CRISPLD2: variants seen among roughly 807,000 people sequenced by gnomAD.
CRISPLD2 encodes the protein cysteine-rich secretory protein LCCL domain-containing 2.
CRISPLD2 carries 47 observed loss-of-function variants against 71.1 expected under a neutral mutation model. The ratio of observed to expected loss-of-function variants is 0.66; its 90% CI spans 0.52 to 0.84. The LOEUF (loss-of-function observed/expected upper bound fraction) is 0.84. CRISPLD2 is among the 40% of genes least tolerant of loss of function. CRISPLD2 has a pLI of 0.00. For missense variants in CRISPLD2, 830 were observed against 651.1 expected (o/e 1.27, Z -2.99); for synonymous variants, 317 against 250.1 (o/e 1.27, Z -2.52).
At chr16:84,854,651 G>A (rs879640274) in intron 5 of CRISPLD2, 78 bp from the exon 6 acceptor site, 92 of 1,027,538 alleles carry the variant, frequency 9.0e-5, no homozygotes, top group Middle Eastern at 2.2e-4. Flanking sequence ...AGGGACTCAC[G>A]TGGGCCTTGG....
rs1287501051 is a variant in CRISPLD2, at chr16:84,827,034, C to T, written c.-75+6901C>T. Among the ~76,000 whole-genome samples the T allele has an allele frequency of 2.6e-5, 4 of 152,026 alleles. No individual in the cohort carries two copies. In the East Asian group the frequency reaches 5.8e-4, roughly 22 times the overall value. On this transcript the variant is annotated intron_variant, in intron 1 of 14. Transcript: ENST00000262424. ...AACATACCAGGGAAGAGGGCACAGC[C>T]GTCTCTGTACCGGCAGAGAGATTTT...
chr16:84,905,696 C>A (rs2071795761), intron 14 of CRISPLD2, among the ~76,000 whole-genome samples: 1 of 134,656 alleles, frequency 7.4e-6, no homozygotes, highest in African/African-American at 2.8e-5. Context: ...CCGTGCCTGA[C>A]CAATAAAGCT....
rs550110140 is a variant in CRISPLD2, at chr16:84,877,464, G to A, written c.1183G>A (p.Val395Ile). The change falls in exon 12 of 15, where the codon GTT (valine) becomes ATT (isoleucine). Residue 395 changes from valine (V) to isoleucine (I), a missense_variant. Coordinates refer to ENST00000262424, the MANE Select transcript of CRISPLD2 (RefSeq NM_031476.4). Reference protein sequence around the residue: ...KVQDLDCYTTVAQLCPFEKPA... With the variant: ...KVQDLDCYTTIAQLCPFEKPA... ...GCAGGATTTGGACTGCTACACGACCGTTGCTCAGCTGTGCCCGTTTGAAAA... is the reference window on the plus strand; with the variant it reads ...GCAGGATTTGGACTGCTACACGACCATTGCTCAGCTGTGCCCGTTTGAAAA... 1.5e-5 allele frequency: 24 copies of A among 1,613,850 alleles called. No individual in the cohort carries two copies. Among genetic ancestry groups the A allele is most frequent in the South Asian group, 5.5e-5 (5 of 91,078 alleles).
intron 14 of CRISPLD2, among the ~76,000 whole-genome samples, chr16:84,892,107 AG>A (rs1396582460): frequency 6.6e-6 from 1 of 152,014 alleles, no homozygotes; most frequent in Non-Finnish European, 1.5e-5. Context: ...TCACCTATAA[AG>A]GGGGGAATAA....
At chr16:84,849,010 A>C (rs1597456618) in intron 3 of CRISPLD2, among the ~76,000 whole-genome samples, 2 of 144,842 alleles carry the variant, frequency 1.4e-5, no homozygotes, top group Non-Finnish European at 3.0e-5. Context: ...AAAAGAAAGG[A>C]CTCATTAAGA....
At chr16:84,845,718 T>C (rs12051168) in intron 2 of CRISPLD2, 68 bp from the exon 3 acceptor site, 443,176 of 1,037,104 alleles carry the variant, frequency 0.43, 100,710 homozygotes, top group South Asian at 0.5. Context: ...GGGGCGTTGC[T>C]GTATTTATGG....
chr16:84,851,684 G>T (rs768142898), intron 5 of CRISPLD2, among the ~76,000 whole-genome samples: 1 of 152,208 alleles, frequency 6.6e-6, no homozygotes, highest in Non-Finnish European at 1.5e-5. Flanking sequence ...AGGGACGCAG[G>T]CACCATGCAA....
chr16:84,898,746 T>C (rs562106384), intron 14 of CRISPLD2, among the ~76,000 whole-genome samples: 1 of 152,342 alleles, frequency 6.6e-6, no homozygotes, highest in Non-Finnish European at 1.5e-5. Flanking sequence ...ACTTGGCACA[T>C]AGCAGGTGCT....
intron 13 of CRISPLD2, among the ~76,000 whole-genome samples, chr16:84,888,325 G>A (rs2143341581): frequency 6.6e-6 from 1 of 152,322 alleles, no homozygotes; most frequent in East Asian, 1.9e-4. Context: ...CTTGAGCCCA[G>A]GAGTTCAGGA....
chr16:84,893,372 C>T (rs1003120311), intron 14 of CRISPLD2, among the ~76,000 whole-genome samples: 1 of 152,194 alleles, frequency 6.6e-6, no homozygotes, highest in Non-Finnish European at 1.5e-5. Context: ...GTGGCTGGAT[C>T]CTAAGAAATG....
intron 14 of CRISPLD2, among the ~76,000 whole-genome samples, chr16:84,896,175 T>A (rs549605759): frequency 5.7e-4 from 87 of 151,928 alleles, no homozygotes; most frequent in Admixed American, 1.4e-3. Context: ...GTAGCTGGGA[T>A]TACAGGCACC....
chr16:84,829,675 A>G (rs1916439738), intron 1 of CRISPLD2, among the ~76,000 whole-genome samples: 1 of 152,210 alleles, frequency 6.6e-6, no homozygotes, highest in African/African-American at 2.4e-5. Context: ...CGCTGCGTGG[A>G]CGACCCAGGA....
intron 5 of CRISPLD2, among the ~76,000 whole-genome samples, chr16:84,851,170 C>T (rs973663153): frequency 8.5e-5 from 13 of 152,194 alleles, no homozygotes; most frequent in African/African-American, 3.1e-4. Context: ...GATTATTTTT[C>T]TCTGAAAACA....
intron 1 of CRISPLD2, among the ~76,000 whole-genome samples, chr16:84,832,047 A>T (rs1466397047): frequency 6.6e-6 from 1 of 152,252 alleles, no homozygotes; most frequent in East Asian, 1.9e-4. Context: ...ATTTTTAAAC[A>T]TTGGATTTTG....
Position 84,866,959 on chromosome 16 carries a change from C to G in CRISPLD2, c.772C>G (p.Pro258Ala), listed in dbSNP as rs1352033412. 6.2e-7 allele frequency: 1 copy of G among 1,614,070 alleles called. No homozygotes were observed. The highest frequency in any genetic ancestry group is 2.2e-5 in the East Asian group (1 of 44,864). ...EMNEVETAPI[P>A]EENHVWLQPR... is the part of the protein sequence containing the mutation. ...GAATGAGGTGGAAACGGCTCCCATT[C>G]CTGAAGAAAACCATGTTTGGCTCCA... Residue 258 changes from proline (P) to alanine (A), a missense_variant, in exon 7 of 15, where the codon CCT (proline) becomes GCT (alanine). Pro to Ala is a conservative substitution (Grantham distance 27). Transcript: ENST00000262424.
intron 1 of CRISPLD2, among the ~76,000 whole-genome samples, 152 bp downstream of exon 1, chr16:84,820,285 T>C (rs892749646): frequency 2.0e-5 from 3 of 152,102 alleles, no homozygotes; most frequent in African/African-American, 7.2e-5. Context: ...CTTTGCGACA[T>C]GCCCTTTTGC....
intron 6 of CRISPLD2, among the ~76,000 whole-genome samples, chr16:84,863,841 G>A (rs1040535906): frequency 1.3e-5 from 2 of 151,766 alleles, no homozygotes; most frequent in Non-Finnish European, 2.9e-5. Flanking sequence ...GGTGGCGCAT[G>A]CCTGTAATCC....
intron 6 of CRISPLD2, among the ~76,000 whole-genome samples, chr16:84,862,487 C>T (rs1917411662): frequency 6.6e-6 from 1 of 152,130 alleles, no homozygotes; most frequent in African/African-American, 2.4e-5. Flanking sequence ...CACCATCATG[C>T]CCGCCCACCA....
chr16:84,822,804 G>T (rs534996435), intron 1 of CRISPLD2, among the ~76,000 whole-genome samples: 1 of 152,278 alleles, frequency 6.6e-6, no homozygotes, highest in East Asian at 1.9e-4. Context: ...AGATCTGGGT[G>T]GTGGTTAATA....
Sources: gnomAD v4.1 joint callset for allele counts (sites outside exome capture counted in the v4.1 genomes callset) on GRCh38, gnomAD v4.1.1 for gene constraint, MANE v1.5 for transcripts, NCBI Gene and HGNC (gene_info 2026-07-23, HGNC 2026-07-21) for gene names.